Variants in SOS1 observed in about 807,000 individuals in gnomAD.
SOS1 encodes the protein SOS Ras/Rac guanine nucleotide exchange factor 1, also known as son of sevenless homolog 1.
SOS1 carries 25 observed loss-of-function variants against 157.6 expected under a neutral mutation model. The ratio of observed to expected loss-of-function variants is 0.16; its 90% CI spans 0.12 to 0.22. The LOEUF (loss-of-function observed/expected upper bound fraction) is 0.22. Among genes scored for constraint, SOS1 ranks in the 10% least tolerant of loss-of-function variants. The pLI, the probability that SOS1 is intolerant of heterozygous loss-of-function variation, is 1.00. For missense variants in SOS1, 1,237 were observed against 1,599.1 expected (o/e 0.77, Z 3.86); for synonymous variants, 528 against 534.0 (o/e 0.99, Z 0.16).
intron 6 of SOS1, among the ~76,000 whole-genome samples, chr2:39,044,857 C>T (rs1445150774): frequency 3.2e-5 from 1 of 31,080 alleles, no homozygotes; most frequent in African/African-American, 2.1e-4. Context: ...CACATGCGCG[C>T]GCGCGCGCAC....
intron 1 of SOS1, among the ~76,000 whole-genome samples, chr2:39,073,381 G>A (rs1183168158): frequency 6.6e-6 from 1 of 152,132 alleles, no homozygotes; most frequent in East Asian, 1.9e-4. Context: ...TTATACTTAT[G>A]TTTACTGACA....
chr2:39,106,505 G>A (rs1673190378), intron 1 of SOS1, among the ~76,000 whole-genome samples: 1 of 148,650 alleles, frequency 6.7e-6, no homozygotes, highest in Non-Finnish European at 1.5e-5. Flanking sequence ...GCAGGAGAAT[G>A]GCGTGAACCC....
chr2:38,989,387 A>G (rs1668658309), intron 20 of SOS1, 73 bp from the exon 21 acceptor site: 1 of 918,932 alleles, frequency 1.1e-6, no homozygotes, highest in Non-Finnish European at 1.8e-6. Flanking sequence ...AAAAATTTGT[A>G]TTATGATGAA....
intron 8 of SOS1, among the ~76,000 whole-genome samples, chr2:39,032,573 T>C (rs1347654610): frequency 6.6e-6 from 1 of 152,164 alleles, no homozygotes; most frequent in Non-Finnish European, 1.5e-5. Context: ...AATTCAAAGA[T>C]AATAGGGCTC....
At chr2:39,017,905 T>G (rs913488669) in intron 10 of SOS1, among the ~76,000 whole-genome samples, 6 of 151,982 alleles carry the variant, frequency 3.9e-5, no homozygotes, top group Non-Finnish European at 7.4e-5. Flanking sequence ...ACGTTTATCT[T>G]ACTGATGATG....
chr2:39,017,919 A>G lies in SOS1; in HGVS notation c.1859-3073T>C, dbSNP rs1042776511. Among the ~76,000 whole-genome samples the G allele has an allele frequency of 3.3e-5, 5 of 151,992 alleles. No homozygotes were observed. The South Asian group carries it at 8.3e-4, about 25-fold the overall frequency. ...GACGTTTATCTTACTGATGATGTAA[A>G]GAGCTAAGATAATATAAACAAATGC... On this transcript the variant is annotated intron_variant, in intron 10 of 22. Coordinates refer to ENST00000402219, the MANE Select transcript of SOS1 (RefSeq NM_005633.4).
At chr2:39,051,097 T>C (rs1671001052) in intron 6 of SOS1, 47 bp downstream of exon 6, 2 of 1,571,658 alleles carry the variant, frequency 1.3e-6, no homozygotes, top group Non-Finnish European at 1.8e-6. Flanking sequence ...TTAATGTAAA[T>C]GTAGGCTTTT....
chr2:39,107,895 C>CT (rs1447099459), intron 1 of SOS1, among the ~76,000 whole-genome samples: 1 of 152,102 alleles, frequency 6.6e-6, no homozygotes. Flanking sequence ...AGCCTTGAGG[C>CT]TATACCTGCC....
chr2:39,035,624 A>G (rs914131123), intron 6 of SOS1, 124 bp from the exon 7 acceptor site: 8 of 694,418 alleles, frequency 1.2e-5, no homozygotes, highest in African/African-American at 9.0e-5. Context: ...AGCAAAAATT[A>G]TATGACTACT....
chr2:39,014,741 T>G lies in SOS1; in HGVS notation c.1940+24A>C, dbSNP rs546108296. The G allele has an allele frequency of 1.7e-5, 22 of 1,274,534 alleles. No homozygotes were observed. The African/African-American group carries it at 2.9e-4, about 17-fold the overall frequency. The allele number at this position is 1,274,534 out of a possible 1,614,324, so 79.0% of individuals were successfully genotyped here. On this transcript the variant is annotated intron_variant, in intron 11 of 22. Transcript: ENST00000402219. Reference sequence around the variant, plus strand: ...CTTTTTTAACAAAAAATAATGAATTTAAATATTTTTTAAATGGACAGACCT... The same window carrying G: ...CTTTTTTAACAAAAAATAATGAATTGAAATATTTTTTAAATGGACAGACCT...
At chr2:39,059,728 G>A (rs1671336159) in intron 2 of SOS1, among the ~76,000 whole-genome samples, 1 of 152,164 alleles carries the variant, frequency 6.6e-6, no homozygotes, top group Non-Finnish European at 1.5e-5. Context: ...GATGCCCTTG[G>A]TGGTGAGGGA....
At chr2:39,094,133 T>C (rs182558592) in intron 1 of SOS1, among the ~76,000 whole-genome samples, 2 of 152,252 alleles carry the variant, frequency 1.3e-5, no homozygotes, top group African/African-American at 4.8e-5. Context: ...CACTCTCTGC[T>C]AATTTTTTTT....
At chr2:39,070,118 A>T (rs1324316279) in intron 1 of SOS1, among the ~76,000 whole-genome samples, 1 of 152,152 alleles carries the variant, frequency 6.6e-6, no homozygotes, top group Non-Finnish European at 1.5e-5. Context: ...TAGGTATCAA[A>T]CCATATAAAC....
intron 14 of SOS1, among the ~76,000 whole-genome samples, chr2:39,011,140 A>G (rs1572820342): frequency 6.6e-6 from 1 of 151,958 alleles, no homozygotes; most frequent in East Asian, 1.9e-4. Context: ...CGGATGATCC[A>G]CCCGCCTTGG....
rs528462530 is a variant in SOS1 at position 38,985,048 on chromosome 2, T to C, written c.*776A>G. On this transcript the variant is annotated 3_prime_UTR_variant, in exon 23 of 23. Coordinates refer to ENST00000402219, the MANE Select transcript of SOS1 (RefSeq NM_005633.4). ...AGTCTCCTAAATGCAAATAGAATAGTTGACAGTTATTTTTTTTTAAAAAGT... is the reference window on the plus strand; with the variant it reads ...AGTCTCCTAAATGCAAATAGAATAGCTGACAGTTATTTTTTTTTAAAAAGT... 1.6e-4 allele frequency: 25 copies of C among 152,316 alleles called. No homozygotes were observed. The highest frequency in any genetic ancestry group is 5.8e-4 in the East Asian group (3 of 5,188). The allele number at this position is 152,316 out of a possible 1,614,324, so 9.4% of individuals were successfully genotyped here.
chr2:39,074,358 G>GAA lies in SOS1; in HGVS notation c.88-6607_88-6606dup, dbSNP rs11399990. On this transcript the variant is annotated intron_variant, in intron 1 of 22. Coordinates refer to ENST00000402219, the MANE Select transcript of SOS1 (RefSeq NM_005633.4). ...GAGTGAGATTGCATCTCAGAAAAAA[G>GAA]AAAAAAAAAAAAAAATAGACCAGCC... Among the ~76,000 whole-genome samples the GAA allele has an allele frequency of 5.9e-3, 800 of 135,978 alleles. 10 individuals are homozygous for GAA. The highest frequency in any genetic ancestry group is 0.014 in the African/African-American group (499 of 36,454). The allele number at this position is 135,978 out of a possible 152,430, so 89.2% of individuals were successfully genotyped here.
At chr2:39,112,329 CCT>C (rs934433197) in intron 1 of SOS1, among the ~76,000 whole-genome samples, 4 of 152,164 alleles carry the variant, frequency 2.6e-5, no homozygotes, top group Non-Finnish European at 4.4e-5. Context: ...CTGAGCAATT[CCT>C]CTCTCTCCCT....
intron 1 of SOS1, among the ~76,000 whole-genome samples, chr2:39,077,117 T>C (rs1402411614): frequency 1.3e-5 from 2 of 152,080 alleles, no homozygotes; most frequent in Non-Finnish European, 2.9e-5. Context: ...CCAAGGCAGG[T>C]GGATCACTTG....
In SOS1 at chr2:39,013,570, C is replaced by G; in HGVS notation, c.2064-7G>C. On this transcript the variant is annotated splice_region_variant and splice_polypyrimidine_tract_variant and intron_variant, in intron 12 of 22. Coordinates refer to ENST00000402219, the MANE Select transcript of SOS1 (RefSeq NM_005633.4). Reference sequence around the variant, plus strand: ...CCGACATACATTTAATACTCTATGGCATTAACACAGAATTGAATTACATGG... The same window carrying G: ...CCGACATACATTTAATACTCTATGGGATTAACACAGAATTGAATTACATGG... 6.6e-7 allele frequency: 1 copy of G among 1,516,714 alleles called. No individual in the cohort carries two copies. The allele number at this position is 1,516,714 out of a possible 1,614,324, so 94.0% of individuals were successfully genotyped here. A position where few individuals can be genotyped will look rare whatever the true frequency, so the allele number is the denominator to read the frequency against.
Sources: allele counts gnomAD v4.1 joint callset (sites outside exome capture counted in the v4.1 genomes callset), GRCh38; gene constraint gnomAD v4.1.1; transcripts MANE v1.5; gene names NCBI Gene and HGNC (gene_info 2026-07-23, HGNC 2026-07-21).